Variants in IPO11 observed in about 807,000 individuals in gnomAD.
IPO11 encodes importin-11.
Under a neutral mutation model 143.2 loss-of-function variants are expected in IPO11, and 66 were observed. That is an observed-to-expected ratio of 0.46 (90% CI 0.38 to 0.57). The LOEUF (loss-of-function observed/expected upper bound fraction) is 0.57. Among genes scored for constraint, IPO11 ranks in the 20% least tolerant of loss-of-function variants. The pLI is 0.00. For synonymous variants in IPO11, 385 were observed against 377.8 expected, an observed-to-expected ratio of 1.02 and a Z score of -0.22; for missense variants, 1,026 against 1,141.0, an observed-to-expected ratio of 0.90 and a Z score of 1.45.
intron 5 of IPO11, among the ~76,000 whole-genome samples, chr5:62,454,675 A>G (rs1745063725): frequency 6.6e-6 from 1 of 152,126 alleles, no homozygotes; most frequent in African/African-American, 2.4e-5. Flanking sequence ...AGCATCTTGT[A>G]GTTACTTTCA....
Position 62,490,891 on chromosome 5 carries a change from G to C in IPO11, c.1463+671G>C, listed in dbSNP as rs187707031. ...GTGCCTCAGTCTCCTGAGTAGCAGG[G>C]ATTACAGGCGCATGCCACCACACCT... On this transcript the variant is annotated intron_variant, in intron 15 of 29. Transcript: ENST00000325324. Among the ~76,000 whole-genome samples, 44 of 152,216 alleles carry C rather than the reference G, an allele frequency of 2.9e-4. No homozygotes were observed. In the South Asian group the frequency reaches 5.0e-3, roughly 17 times the overall value.
intron 21 of IPO11, 120 bp downstream of exon 21, chr5:62,526,377 C>T (rs1742370994): frequency 1.5e-6 from 1 of 660,110 alleles, no homozygotes; most frequent in Non-Finnish European, 2.6e-6. Flanking sequence ...AACTCTGTTT[C>T]TTCAAACTGG....
chr5:62,460,975 A>G (rs1303195406), intron 5 of IPO11, among the ~76,000 whole-genome samples: 1 of 152,156 alleles, frequency 6.6e-6, no homozygotes, highest in African/African-American at 2.4e-5. Flanking sequence ...GGCAATGGTT[A>G]CTTCCTGTGG....
intron 26 of IPO11, among the ~76,000 whole-genome samples, chr5:62,556,542 C>G (rs896771297): frequency 6.6e-6 from 1 of 151,952 alleles, no homozygotes; most frequent in Non-Finnish European, 1.5e-5. Flanking sequence ...AGCTTAAGAC[C>G]AGGCTGGGTA....
At chr5:62,445,504 T>C (rs1744689362) in intron 3 of IPO11, among the ~76,000 whole-genome samples, 1 of 152,150 alleles carries the variant, frequency 6.6e-6, no homozygotes, top group South Asian at 2.1e-4. Flanking sequence ...ATTTTTTTTT[T>C]ACTTCACTAT....
At chr5:62,434,791 G>C (rs919477401) in intron 1 of IPO11, among the ~76,000 whole-genome samples, 6 of 151,960 alleles carry the variant, frequency 3.9e-5, no homozygotes, top group Non-Finnish European at 7.4e-5. Flanking sequence ...TCAGGAGGCC[G>C]AGGCAGGCGG....
intron 29 of IPO11, among the ~76,000 whole-genome samples, chr5:62,622,951 G>C (rs1368117987): frequency 6.6e-6 from 1 of 152,196 alleles, no homozygotes; most frequent in Non-Finnish European, 1.5e-5. Flanking sequence ...GGGTTTTACA[G>C]TGGGTATAGT....
chr5:62,599,408 C>G (rs949160606), intron 28 of IPO11, among the ~76,000 whole-genome samples: 1 of 152,136 alleles, frequency 6.6e-6, no homozygotes, highest in South Asian at 2.1e-4. Context: ...ATTTAGACAA[C>G]AAAAATTTTG....
At chr5:62,612,608 ATAGT>A (rs1193922472) in intron 29 of IPO11, among the ~76,000 whole-genome samples, 1 of 152,220 alleles carries the variant, frequency 6.6e-6, no homozygotes, top group East Asian at 1.9e-4. Context: ...ATTTTGAAAA[ATAGT>A]TATTTATAAA....
intron 1 of IPO11, among the ~76,000 whole-genome samples, chr5:62,429,808 A>G (rs1043321240): frequency 6.6e-6 from 1 of 151,990 alleles, no homozygotes; most frequent in Non-Finnish European, 1.5e-5. Context: ...TATTTTTAGT[A>G]GAGTTGGGGT....
chr5:62,503,831 C>T (rs756193842), intron 16 of IPO11, among the ~76,000 whole-genome samples: 2 of 152,078 alleles, frequency 1.3e-5, no homozygotes, highest in African/African-American at 2.4e-5. Flanking sequence ...ATGTTTTAAA[C>T]GCTTACTTTT....
At chr5:62,530,900 A>G in intron 22 of IPO11, 115 bp downstream of exon 22, 1 of 743,902 alleles carries the variant, frequency 1.3e-6, no homozygotes, top group Non-Finnish European at 2.3e-6. Context: ...TCTAGTTTAG[A>G]TTCAGGGGAT....
chr5:62,493,920 T>A lies in IPO11; in HGVS notation c.1464-78T>A, dbSNP rs924136139. 27 of 1,286,994 alleles carry A rather than the reference T, an allele frequency of 2.1e-5. No individual in the cohort carries two copies. In the African/African-American group the frequency reaches 4.1e-4, roughly 20 times the overall value. 79.7% of individuals were successfully genotyped at this position (1,286,994 alleles called of 1,614,324 possible). ...TTGCATTCTTACTACATTTTAGATT[T>A]AAATGATAAATTATACTAAAAGAAA... On this transcript the variant is annotated intron_variant, in intron 15 of 29. Coordinates refer to ENST00000325324, the MANE Select transcript of IPO11 (RefSeq NM_016338.5).
At chr5:62,435,461 G>A (rs247484) in intron 1 of IPO11, among the ~76,000 whole-genome samples, 9,274 of 151,480 alleles carry the variant, frequency 0.061, 400 homozygotes, top group East Asian at 0.14. Context: ...AGCTGGGCCC[G>A]GTGGTGCATG....
intron 27 of IPO11, among the ~76,000 whole-genome samples, chr5:62,587,187 G>A (rs936365540): frequency 6.6e-6 from 1 of 152,040 alleles, no homozygotes; most frequent in Non-Finnish European, 1.5e-5. Context: ...ACTGCTGTGT[G>A]TGTGTGTGCA....
chr5:62,449,230 G>A (rs553789928), intron 3 of IPO11, among the ~76,000 whole-genome samples: 1 of 152,256 alleles, frequency 6.6e-6, no homozygotes, highest in Admixed American at 6.5e-5. Flanking sequence ...ACATTCATAC[G>A]TATGTATTCA....
rs184487074 is a variant in IPO11 at position 62,583,003 on chromosome 5, A to G, written c.2583-8574A>G. Among the ~76,000 whole-genome samples, 888 of 152,282 alleles carry G rather than the reference A, an allele frequency of 5.8e-3. 3 individuals carry two copies. The highest frequency in any genetic ancestry group is 9.9e-3 in the Non-Finnish European group (670 of 68,010). On this transcript the variant is annotated intron_variant, in intron 27 of 29. Transcript: ENST00000325324. ...ACCAACCCCAAAGGGTTTTCAAACA[A>G]TGGTTTGCTTTTCCCTGCTTAGCTG...
intron 9 of IPO11, 51 bp from the exon 10 acceptor site, chr5:62,483,050 A>G (rs1179984999): frequency 8.5e-7 from 1 of 1,173,196 alleles, no homozygotes; most frequent in Non-Finnish European, 1.2e-6. Context: ...ATATTCCAAT[A>G]TGAATTTGGG....
rs797020141 is a variant in IPO11 at position 62,452,758 on chromosome 5, G to GTGTGTGTGTA, written c.516+827_516+828insTGTGTGTATG. On this transcript the variant is annotated intron_variant, in intron 5 of 29. Coordinates refer to ENST00000325324, the MANE Select transcript of IPO11 (RefSeq NM_016338.5). ...TGTGTGTGTGTGTGTGTGTGTGTGT[G>GTGTGTGTGTA]TGCACGCATTTTGAGACGGGGTTTT... is the stretch of plus-strand genomic sequence containing the variant. Among the ~76,000 whole-genome samples the GTGTGTGTGTA allele has an allele frequency of 3.0e-4, 43 of 142,772 alleles. 2 individuals carry two copies. Among genetic ancestry groups the GTGTGTGTGTA allele is most frequent in the African/African-American group, 1.2e-3 (42 of 35,840 alleles). The allele number at this position is 142,772 out of a possible 152,430, so 93.7% of individuals were successfully genotyped here. A position where few individuals can be genotyped will look rare whatever the true frequency, so the allele number is the denominator to read the frequency against.
Sources: gnomAD v4.1 joint callset for allele counts (sites outside exome capture counted in the v4.1 genomes callset) on GRCh38, gnomAD v4.1.1 for gene constraint, MANE v1.5 for transcripts, NCBI Gene and HGNC (gene_info 2026-07-23, HGNC 2026-07-21) for gene names.